The following SPATA6L variants were observed in gnomAD, a reference collection of about 807,000 sequenced individuals.
SPATA6L encodes spermatogenesis associated 6 like, also known as spermatogenesis associated 6-like protein.
In SPATA6L, 68 loss-of-function variants were observed where a neutral mutation model predicts 49.2. The ratio of observed to expected loss-of-function variants is 1.38; its 90% confidence interval spans 1.14 to 1.69. The LOEUF (loss-of-function observed/expected upper bound fraction) is 1.69. Among genes scored for constraint, SPATA6L ranks in the 40% most tolerant of loss-of-function variants. The pLI is 0.00. For synonymous variants in SPATA6L, 198 were observed against 165.7 expected (o/e 1.19, Z -1.50); for missense variants, 668 against 464.3 (o/e 1.44, Z -4.03).
At chr9:4,659,175 T>C (rs1007074440) in intron 2 of SPATA6L, among the ~76,000 whole-genome samples, 1 of 152,166 alleles carries the variant, frequency 6.6e-6, no homozygotes, top group Non-Finnish European at 1.5e-5. Flanking sequence ...ACATTCTTCA[T>C]TTAAATTAAT....
chr9:4,657,290 T>C (rs949210244), intron 2 of SPATA6L, among the ~76,000 whole-genome samples: 1 of 151,966 alleles, frequency 6.6e-6, no homozygotes, highest in Non-Finnish European at 1.5e-5. Context: ...GTAAGTGGGG[T>C]TTTTTTGCCT....
intron 2 of SPATA6L, among the ~76,000 whole-genome samples, chr9:4,659,980 T>G (rs2130786028): frequency 1.3e-5 from 2 of 152,338 alleles, no homozygotes; most frequent in Middle Eastern, 6.8e-3. Context: ...TAACCATATG[T>G]AGAAAGCTGA....
intron 4 of SPATA6L, chr9:4,633,843 G>C (rs566525191): frequency 1.3e-5 from 2 of 152,144 alleles, no homozygotes; most frequent in Non-Finnish European, 2.9e-5. Context: ...GTTTTATTTT[G>C]CTTTATAGAA....
rs201157887 is a variant in SPATA6L at position 4,665,998 on chromosome 9, GAA to G, written c.39+212_39+213del. On this transcript the variant is annotated intron_variant, in intron 1 of 11. Transcript: ENST00000682582. ...TAAGAAACATGTTAGCTTTAGAACA[GAA>G]AAAAAAAAAAGTGGGAACAGGTGGA... 6.4e-5 allele frequency among the ~76,000 whole-genome samples: 9 copies of G among 141,238 alleles called. No individual in the cohort carries two copies. The South Asian group carries it at 1.1e-3, about 17-fold the overall frequency. 92.7% of individuals were successfully genotyped at this position (141,238 alleles called of 152,430 possible).
At chr9:4,594,276 C>T (rs910694723), downstream of SPATA6L, among the ~76,000 whole-genome samples, 1 of 152,210 alleles carries the variant, frequency 6.6e-6, no homozygotes, top group Non-Finnish European at 1.5e-5. Context: ...GTGGCGCGAA[C>T]TCAGCTCACT....
intron 8 of SPATA6L, among the ~76,000 whole-genome samples, chr9:4,618,365 T>C (rs113499339): frequency 6.6e-6 from 1 of 152,318 alleles, no homozygotes; most frequent in Non-Finnish European, 1.5e-5. Flanking sequence ...ACTCATGCTC[T>C]GAACTTTGAT....
Position 4,662,274 on chromosome 9 carries a change from C to T in SPATA6L, c.40-238G>A, listed in dbSNP as rs1052293741. 8.8e-5 allele frequency: 126 copies of T among 1,434,674 alleles called. No individual in the cohort carries two copies. In the African/African-American group the frequency reaches 1.6e-3, roughly 18 times the overall value. The allele number at this position is 1,434,674 out of a possible 1,614,324, so 88.9% of individuals were successfully genotyped here. On this transcript the variant is annotated intron_variant, in intron 1 of 11. Coordinates refer to ENST00000682582, the MANE Select transcript of SPATA6L (RefSeq NM_001353486.2). The surrounding 1 kb of genome is among the most constrained non-coding windows in gnomAD (Gnocchi z 4.9). ...CAATCGCGCTCTCGCCGGCTCCTCTCCCCGCCCCTCCGGGATGGTAGTGCG... is the reference window on the plus strand; with the variant it reads ...CAATCGCGCTCTCGCCGGCTCCTCTTCCCGCCCCTCCGGGATGGTAGTGCG...
downstream of SPATA6L, among the ~76,000 whole-genome samples, chr9:4,593,494 A>T (rs1351656140): frequency 1.3e-5 from 2 of 152,058 alleles, no homozygotes; most frequent in Non-Finnish European, 2.9e-5. Flanking sequence ...AGTTGTCAGG[A>T]TAAAAACTGG....
intron 2 of SPATA6L, among the ~76,000 whole-genome samples, chr9:4,660,294 T>C (rs4361810): frequency 0.59 from 89,072 of 151,864 alleles, 26,876 homozygotes; most frequent in East Asian, 0.77. Context: ...GACAAAAGGG[T>C]TAATATCCAG....
At chr9:4,629,867 G>C (rs1338424472) in intron 4 of SPATA6L, among the ~76,000 whole-genome samples, 1 of 148,142 alleles carries the variant, frequency 6.8e-6, no homozygotes, top group African/African-American at 2.5e-5. Context: ...CTGTTTTACA[G>C]ATGATAAAAC....
At position 4,629,160 on chromosome 9, in the gene SPATA6L, A is replaced by G; in HGVS notation, c.360T>C (p.Ala120=). Reference sequence around the variant, plus strand: ...TCCTTGTAGAAAACTCTATTTTGGGAGCAATGCCCTATAAAACAGCATAAA... The same window carrying G: ...TCCTTGTAGAAAACTCTATTTTGGGGGCAATGCCCTATAAAACAGCATAAA... The part of the protein sequence containing the change: ...MKTALGFPGI[A]PKIEFSTRTA... The change falls in exon 5 of 12, where the codon GCT becomes GCC. Residue 120 remains alanine (A), a synonymous_variant. Coordinates refer to ENST00000682582, the MANE Select transcript of SPATA6L (RefSeq NM_001353486.2). The G allele has an allele frequency of 1.9e-6, 3 of 1,597,314 alleles. No homozygotes were observed. The highest frequency in any genetic ancestry group is 2.5e-6 in the Non-Finnish European group (3 of 1,177,258).
At chr9:4,655,031 A>G (rs899936817) in intron 3 of SPATA6L, among the ~76,000 whole-genome samples, 1 of 152,104 alleles carries the variant, frequency 6.6e-6, no homozygotes, top group Non-Finnish European at 1.5e-5. Flanking sequence ...TGACCCAGCA[A>G]TTTCACTCCT....
chr9:4,662,937 C>A lies in SPATA6L; in HGVS notation c.40-901G>T. 1 of 1,611,284 alleles carries A rather than the reference C, an allele frequency of 6.2e-7. No individual in the cohort carries two copies. The highest frequency in any genetic ancestry group is 8.5e-7 in the Non-Finnish European group (1 of 1,179,922). ...GGTGGCCTTGATCAAAGGGCTGGTCCGCAGGCGCCGCCCGGCCCACAACCA... is the reference window on the plus strand; with the variant it reads ...GGTGGCCTTGATCAAAGGGCTGGTCAGCAGGCGCCGCCCGGCCCACAACCA... On this transcript the variant is annotated intron_variant, in intron 1 of 11. Transcript: ENST00000682582. The surrounding 1 kb of genome is among the most constrained non-coding windows in gnomAD (Gnocchi z 4.9).
chr9:4,589,124 C>A (rs887781699), intron 13 of SPATA6L, among the ~76,000 whole-genome samples: 3 of 152,160 alleles, frequency 2.0e-5, no homozygotes, highest in Admixed American at 6.5e-5. Flanking sequence ...GTGTCCCTTG[C>A]CAACAACCGA....
intron 6 of SPATA6L, 137 bp from the exon 7 acceptor site, chr9:4,622,647 C>T (rs926588364): frequency 6.6e-6 from 4 of 603,864 alleles, no homozygotes; most frequent in African/African-American, 1.9e-5. Flanking sequence ...CCACCTAGAG[C>T]ACAGTCTGCA....
At chr9:4,646,439 T>C in intron 3 of SPATA6L, 1 of 1,381,672 alleles carries the variant, frequency 7.2e-7, no homozygotes, top group Non-Finnish European at 9.7e-7. Context: ...CAAATTTATT[T>C]TAAAATCATA....
intron 1 of SPATA6L, 52 bp downstream of exon 1, chr9:4,666,160 C>G: frequency 6.3e-7 from 1 of 1,590,786 alleles, no homozygotes; most frequent in South Asian, 1.1e-5. Context: ...CCACCTGAGA[C>G]TATTTAGAGT....
intron 13 of SPATA6L, among the ~76,000 whole-genome samples, chr9:4,590,689 C>T (rs1038072514): frequency 2.6e-5 from 4 of 152,090 alleles, no homozygotes; most frequent in African/African-American, 4.8e-5. Flanking sequence ...TCTGGCCCCG[C>T]GGGGACAACT....
At chr9:4,606,857 G>C (rs1252125528) in intron 9 of SPATA6L, among the ~76,000 whole-genome samples, 3 of 146,444 alleles carry the variant, frequency 2.0e-5, no homozygotes, top group South Asian at 2.2e-4. Flanking sequence ...AGCTACGGGA[G>C]GACATTCAAA....
Sources: allele counts gnomAD v4.1 joint callset (sites outside exome capture counted in the v4.1 genomes callset), GRCh38; gene constraint gnomAD v4.1.1; non-coding constraint Gnocchi (gnomAD v3.1); transcripts MANE v1.5; gene names NCBI Gene and HGNC (gene_info 2026-07-23, HGNC 2026-07-21).